Variants in ZNF536 observed in about 807,000 individuals in gnomAD.
ZNF536 encodes the protein zinc finger protein 536.
A neutral mutation model predicts 84.5 loss-of-function variants in ZNF536; 13 were observed. The ratio of observed to expected loss-of-function variants is 0.15; its 90% CI spans 0.10 to 0.24. The LOEUF (loss-of-function observed/expected upper bound fraction) is 0.24. ZNF536 is among the 10% of genes least tolerant of loss of function. The probability of loss-of-function intolerance (pLI) is 1.00; values close to 1 mark genes in which losing one functional copy is unlikely to be tolerated. For missense variants in ZNF536, 1,536 were observed against 1,747.5 expected (o/e 0.88, Z 2.16); for synonymous variants, 811 against 742.5 (o/e 1.09, Z -1.50).
At chr19:30,288,495 G>A (rs1024915981) in intron 2 of ZNF536, among the ~76,000 whole-genome samples, 6 of 152,176 alleles carry the variant, frequency 3.9e-5, no homozygotes, top group Non-Finnish European at 5.9e-5. Flanking sequence ...AGTGGTCCAA[G>A]TTACCTCACC....
At chr19:30,616,018 A>G (rs1005218493) in intron 1 of ZNF536, among the ~76,000 whole-genome samples, 4 of 152,194 alleles carry the variant, frequency 2.6e-5, no homozygotes, top group African/African-American at 9.6e-5. Context: ...TGATTCTTGT[A>G]TATTCATTTT....
At chr19:30,521,700 G>T (rs1186670037) in intron 2 of ZNF536, among the ~76,000 whole-genome samples, 1 of 152,076 alleles carries the variant, frequency 6.6e-6, no homozygotes, top group Non-Finnish European at 1.5e-5. Context: ...GCACTTTACA[G>T]GCTAGAAGGA....
chr19:30,547,815 A>T, intron 3 of ZNF536, 128 bp from the exon 4 acceptor site: 1 of 1,073,398 alleles, frequency 9.3e-7, no homozygotes, highest in Non-Finnish European at 1.3e-6. Context: ...CTATTAAAAA[A>T]CAGTTGTTCT....
upstream of ZNF536, among the ~76,000 whole-genome samples, chr19:30,227,802 T>C (rs2022703562): frequency 2.0e-5 from 3 of 151,928 alleles, no homozygotes; most frequent in African/African-American, 7.2e-5. Context: ...CCGCGTTTGC[T>C]GAGCGCATCC....
At chr19:30,273,474 G>T (rs750619933) in intron 1 of ZNF536, among the ~76,000 whole-genome samples, 27 of 152,174 alleles carry the variant, frequency 1.8e-4, no homozygotes, top group Non-Finnish European at 3.7e-4. Flanking sequence ...GCATTTGCAA[G>T]TCCCTGGTGA....
chr19:30,685,044 A>G (rs1203733388), intron 1 of ZNF536, among the ~76,000 whole-genome samples: 1 of 152,148 alleles, frequency 6.6e-6, no homozygotes, highest in Non-Finnish European at 1.5e-5. Context: ...TGATTAGCCT[A>G]CCAGATTGGA....
intron 2 of ZNF536, among the ~76,000 whole-genome samples, chr19:30,345,153 T>C (rs2047700014): frequency 6.6e-6 from 1 of 152,254 alleles, no homozygotes; most frequent in Non-Finnish European, 1.5e-5. Flanking sequence ...CCATCATCCC[T>C]ATTTTGCAGA....
intron 2 of ZNF536, among the ~76,000 whole-genome samples, chr19:30,467,318 T>C (rs959035532): frequency 2.6e-5 from 4 of 152,196 alleles, no homozygotes; most frequent in Admixed American, 6.5e-5. Flanking sequence ...CTACTTTCCA[T>C]GTATGGATTT....
intron 1 of ZNF536, among the ~76,000 whole-genome samples, chr19:30,391,143 A>G (rs997540351): frequency 5.3e-5 from 8 of 152,180 alleles, no homozygotes; most frequent in South Asian, 2.1e-4. Flanking sequence ...ATCCCTCCCA[A>G]CACGGCCAAA....
intron 1 of ZNF536, among the ~76,000 whole-genome samples, chr19:30,409,744 T>G (rs1293704394): frequency 1.3e-5 from 2 of 152,224 alleles, no homozygotes; most frequent in African/African-American, 2.4e-5. Flanking sequence ...TTCCTTCAAG[T>G]CTGAATGTTA....
intron 2 of ZNF536, among the ~76,000 whole-genome samples, chr19:30,302,466 A>G (rs1456460031): frequency 6.6e-6 from 1 of 152,110 alleles, no homozygotes; most frequent in African/African-American, 2.4e-5. Flanking sequence ...GCAGAATCCT[A>G]TAGGATTTGC....
chr19:30,700,925 C>T (rs897515570), intron 1 of ZNF536, among the ~76,000 whole-genome samples: 5 of 152,158 alleles, frequency 3.3e-5, no homozygotes, highest in South Asian at 2.1e-4. Flanking sequence ...GGGAGCCCCT[C>T]TGGGTGCTAG....
At chr19:30,232,438 T>TC (rs1470376046) in intron 1 of ZNF536, among the ~76,000 whole-genome samples, 2 of 150,898 alleles carry the variant, frequency 1.3e-5, no homozygotes, top group Non-Finnish European at 2.9e-5. Flanking sequence ...CCCGCCTTTC[T>TC]CCCCCCTCTA....
intron 1 of ZNF536, among the ~76,000 whole-genome samples, chr19:30,654,140 A>G (rs1435234687): frequency 1.3e-5 from 2 of 152,144 alleles, no homozygotes; most frequent in Non-Finnish European, 2.9e-5. Flanking sequence ...CGGGCTGCAT[A>G]AGAAGTCTCC....
intron 2 of ZNF536, among the ~76,000 whole-genome samples, chr19:30,340,672 A>C (rs964409670): frequency 1.2e-4 from 18 of 152,184 alleles, no homozygotes; most frequent in Non-Finnish European, 2.6e-4. Flanking sequence ...ACATGTACAC[A>C]AAAATAAGCC....
In ZNF536 at chr19:30,445,261, G is replaced by T. The variant is rs1253781555; in HGVS notation, c.1699G>T (p.Val567Leu). ...GTTTGATAAGGAGAAGCGGGAGTAC[G>T]TGTTAGTGGGAGCAGATGGCTCCAA... ...VLFDKEKREY[V>L]LVGADGSKQK... Residue 567 changes from valine to leucine, a missense_variant, in exon 2 of 5, where the codon GTG becomes TTG. Val to Leu is a conservative substitution (Grantham distance 32). Around this residue, in one of 8 missense-constraint regions of ZNF536, gnomAD observed 366 missense variants for 364.4 expected, o/e 1.00. Coordinates refer to ENST00000355537, the MANE Select transcript of ZNF536 (RefSeq NM_014717.3). The surrounding 1 kb of genome is among the most constrained non-coding windows in gnomAD (Gnocchi z 4.5). 1 of 1,614,204 alleles carries T rather than the reference G, an allele frequency of 6.2e-7. No homozygotes were observed. The highest frequency in any genetic ancestry group is 1.1e-5 in the South Asian group (1 of 91,082).
intron 2 of ZNF536, among the ~76,000 whole-genome samples, chr19:30,290,935 T>C (rs2045817780): frequency 6.6e-6 from 1 of 152,180 alleles, no homozygotes; most frequent in African/African-American, 2.4e-5. Context: ...TGAGAACATG[T>C]GGTGTTTGGT....
chr19:30,548,902 G>A lies in ZNF536; in HGVS notation c.3283G>A (p.Ala1095Thr), dbSNP rs774780132. Residue 1095 changes from alanine to threonine, a missense_variant, in exon 4 of 5, where the codon GCA (alanine) becomes ACA (threonine). Around this residue, in one of 8 missense-constraint regions of ZNF536, gnomAD observed 624 missense variants for 603.1 expected, o/e 1.03. Transcript: ENST00000355537. ...GACTCTGGGAGAGCAGAAGAGCGGT[G>A]CATGGACCGGCCACGTGGACCCTGC... ...KETLGEQKSG[A>T]WTGHVDPAFC... 2 of 1,614,132 alleles carry A rather than the reference G, an allele frequency of 1.2e-6. No individual in the cohort carries two copies. The highest frequency in any genetic ancestry group is 1.3e-5 in the African/African-American group (1 of 75,028).
chr19:30,668,870 C>T (rs1250912775), intron 1 of ZNF536, among the ~76,000 whole-genome samples: 1 of 152,110 alleles, frequency 6.6e-6, no homozygotes, highest in Non-Finnish European at 1.5e-5. Context: ...CTGGTTGGGG[C>T]GTTTCTGGTT....
Sources: allele counts gnomAD v4.1 joint callset (sites outside exome capture counted in the v4.1 genomes callset), GRCh38; gene constraint gnomAD v4.1.1; regional missense constraint gnomAD v4.1.1; non-coding constraint Gnocchi (gnomAD v3.1); transcripts MANE v1.5; gene names NCBI Gene and HGNC (gene_info 2026-07-23, HGNC 2026-07-21).